Variants in NUDT13 observed in about 807,000 individuals in gnomAD.
The protein encoded by NUDT13 is NAD(P)H pyrophosphatase NUDT13, mitochondrial.
In NUDT13, 40 loss-of-function variants were observed where a neutral mutation model predicts 41.7. The ratio of observed to expected loss-of-function variants is 0.96; its 90% confidence interval spans 0.75 to 1.25. NUDT13 has a LOEUF of 1.25. Among genes scored for constraint, NUDT13 ranks in the 50% most tolerant of loss-of-function variants. The probability of loss-of-function intolerance (pLI) is 0.00; values close to 1 mark genes in which losing one functional copy is unlikely to be tolerated. For synonymous variants in NUDT13, 145 were observed against 155.5 expected (o/e 0.93, Z 0.50); for missense variants, 390 against 416.1 (o/e 0.94, Z 0.55).
chr10:73,113,539 A>G (rs942670695), intron 1 of NUDT13, among the ~76,000 whole-genome samples: 4 of 152,158 alleles, frequency 2.6e-5, no homozygotes, highest in African/African-American at 7.2e-5. Flanking sequence ...AGCTGGCTAT[A>G]TATTTGTTTT....
intron 2 of NUDT13, among the ~76,000 whole-genome samples, chr10:73,118,741 C>T (rs1477531861): frequency 1.3e-5 from 2 of 152,050 alleles, no homozygotes; most frequent in African/African-American, 4.8e-5. Flanking sequence ...TTTGGGAGGC[C>T]GAGGGCAGAT....
rs1387217874 is a variant in NUDT13, at chr10:73,112,623, CCT to C, written c.-9-1732_-9-1731del. ...ATCTAGCAAATTAATATATTCATCA[CCT>C]CACATTTTTTGTGTGTGTTGAGAAT... is the stretch of plus-strand genomic sequence containing the variant. On this transcript the variant is annotated intron_variant, in intron 1 of 8. Transcript: ENST00000357321. Among the ~76,000 whole-genome samples, 7 of 151,728 alleles carry C rather than the reference CCT, an allele frequency of 4.6e-5. No individual in the cohort carries two copies. The East Asian group carries it at 1.4e-3, about 29-fold the overall frequency.
In NUDT13 at chr10:73,122,217, G is replaced by A; in HGVS notation, c.266G>A (p.Arg89Lys). 2 of 1,614,080 alleles carry A rather than the reference G, an allele frequency of 1.2e-6. No homozygotes were observed. The highest frequency in any genetic ancestry group is 2.7e-5 in the African/African-American group (2 of 75,052). ...GGTAAATTTGGACAGGATGCACAAA[G>A]AATAGAAGATTCTGTGCTGATTGGA... ...LLGKFGQDAQ[R>K]IEDSVLIGCS... Residue 89 changes from arginine (R) to lysine (K), a missense_variant, in exon 4 of 9, where the codon AGA becomes AAA. Arg to Lys is a conservative substitution (Grantham distance 26). Transcript: ENST00000357321.
At chr10:73,122,832 T>C (rs1842679121) in intron 4 of NUDT13, among the ~76,000 whole-genome samples, 1 of 151,706 alleles carries the variant, frequency 6.6e-6, no homozygotes, top group Non-Finnish European at 1.5e-5. Context: ...TCCTCCCTCC[T>C]TGGCCTCCCA....
rs1188504747 is a variant in NUDT13, at chr10:73,131,401, G to A, written c.*498G>A. 2 of 162,466 alleles carry A rather than the reference G, an allele frequency of 1.2e-5. No individual in the cohort carries two copies. The highest frequency in any genetic ancestry group is 2.7e-5 in the Non-Finnish European group (2 of 72,968). The allele number at this position is 162,466 out of a possible 1,614,324, so 10.1% of individuals were successfully genotyped here. On this transcript the variant is annotated 3_prime_UTR_variant, in exon 9 of 9. Coordinates refer to ENST00000357321, the MANE Select transcript of NUDT13 (RefSeq NM_015901.6). ...CACAGTATGACATTTTAAAATTCAT[G>A]TACAGGTGCATTCTAGTTACATGAA...
chr10:73,114,467 G>A lies in NUDT13; in HGVS notation c.83+19G>A. The A allele has an allele frequency of 3.5e-6, 5 of 1,413,526 alleles. No homozygotes were observed. Among genetic ancestry groups the A allele is most frequent in the Non-Finnish European group, 3.9e-6 (4 of 1,022,402 alleles). The allele number at this position is 1,413,526 out of a possible 1,614,324, so 87.6% of individuals were successfully genotyped here. A position where few individuals can be genotyped will look rare whatever the true frequency, so the allele number is the denominator to read the frequency against. Reference sequence around the variant, plus strand: ...AGACACGGTGAGTTTTAGCCAACCTGAGCTTTGATTATTCTGTTTGGCCCA... The same window carrying A: ...AGACACGGTGAGTTTTAGCCAACCTAAGCTTTGATTATTCTGTTTGGCCCA... On this transcript the variant is annotated intron_variant, in intron 2 of 8. Transcript: ENST00000357321.
chr10:73,123,984 C>T (rs1842711185), intron 4 of NUDT13, among the ~76,000 whole-genome samples: 2 of 151,988 alleles, frequency 1.3e-5, no homozygotes, highest in South Asian at 4.2e-4. Flanking sequence ...AGTGGCTATT[C>T]ACAGGTAAGA....
At chr10:73,121,484 T>C (rs1429764856) in intron 3 of NUDT13, among the ~76,000 whole-genome samples, 1 of 152,156 alleles carries the variant, frequency 6.6e-6, no homozygotes, top group East Asian at 1.9e-4. Flanking sequence ...TATGAACAAA[T>C]AAATATGAGT....
Position 73,124,260 on chromosome 10 carries a change from C to T in NUDT13, c.405C>T (p.Phe135=), listed in dbSNP as rs185190396. The part of the protein sequence containing the change: ...PEMETELKGS[F]IELRKALFQL... ...TGGAGACAGAGCTCAAGGGGTCTTTCATTGAGCTGAGAAAGGCACTCTTTC... is the reference window on the plus strand; with the variant it reads ...TGGAGACAGAGCTCAAGGGGTCTTTTATTGAGCTGAGAAAGGCACTCTTTC... Residue 135 remains phenylalanine, a synonymous_variant, in exon 5 of 9, where the codon TTC becomes TTT. Transcript: ENST00000357321. 30 of 1,613,482 alleles carry T rather than the reference C, an allele frequency of 1.9e-5. No individual in the cohort carries two copies. The Admixed American group carries it at 2.7e-4, about 14-fold the overall frequency.
intron 4 of NUDT13, among the ~76,000 whole-genome samples, chr10:73,123,330 A>T (rs78800989): frequency 0.027 from 4,107 of 152,294 alleles, 88 homozygotes; most frequent in Non-Finnish European, 0.038. Flanking sequence ...GCCATTGGGA[A>T]CCACTTTGCT....
chr10:73,125,198 C>T lies in NUDT13; in HGVS notation c.546C>T (p.Gly182=). 1.2e-6 allele frequency: 2 copies of T among 1,613,570 alleles called. No homozygotes were observed. Among genetic ancestry groups the T allele is most frequent in the Non-Finnish European group, 1.7e-6 (2 of 1,179,880 alleles). ...SGQPTKKNVA[G]SKRVCPSNNI... ...AGCCCACCAAGAAGAACGTGGCTGGCAGCAAGCGTGTGTGCCCTTCCAATA... is the reference window on the plus strand; with the variant it reads ...AGCCCACCAAGAAGAACGTGGCTGGTAGCAAGCGTGTGTGCCCTTCCAATA... The change falls in exon 6 of 9, where the codon GGC becomes GGT. Residue 182 remains glycine, a synonymous_variant. Coordinates refer to ENST00000357321, the MANE Select transcript of NUDT13 (RefSeq NM_015901.6).
At chr10:73,129,852 T>A (rs935235391) in intron 8 of NUDT13, among the ~76,000 whole-genome samples, 5 of 151,190 alleles carry the variant, frequency 3.3e-5, no homozygotes, top group African/African-American at 1.2e-4. Context: ...TGGTGGCGGG[T>A]GCCTGTAATC....
intron 2 of NUDT13, among the ~76,000 whole-genome samples, chr10:73,114,736 T>C (rs1842463811): frequency 6.6e-6 from 1 of 151,998 alleles, no homozygotes. Context: ...AAATCTCTTT[T>C]ACCTTCTCCT....
At chr10:73,124,574 C>G in intron 5 of NUDT13, 2 of 425,518 alleles carry the variant, frequency 4.7e-6, no homozygotes, top group South Asian at 9.1e-5. Flanking sequence ...TAGGATCTGT[C>G]AGCCTCATAA....
intron 1 of NUDT13, among the ~76,000 whole-genome samples, chr10:73,112,130 C>T (rs560441318): frequency 2.6e-5 from 4 of 152,262 alleles, no homozygotes; most frequent in Non-Finnish European, 5.9e-5. Flanking sequence ...GCAGGCAGAT[C>T]ACCTGAGAAC....
At chr10:73,127,262 C>T (rs1021084970) in intron 8 of NUDT13, among the ~76,000 whole-genome samples, 3 of 152,034 alleles carry the variant, frequency 2.0e-5, no homozygotes, top group Admixed American at 6.6e-5. Context: ...GCCTGTAGTC[C>T]CAGCTATTTG....
chr10:73,112,132 C>T (rs1218138593), intron 1 of NUDT13, among the ~76,000 whole-genome samples: 3 of 152,154 alleles, frequency 2.0e-5, no homozygotes, highest in Non-Finnish European at 1.5e-5. Context: ...AGGCAGATCA[C>T]CTGAGAACAG....
chr10:73,110,983 G>A (rs1413852821), intron 1 of NUDT13, among the ~76,000 whole-genome samples: 5 of 151,986 alleles, frequency 3.3e-5, no homozygotes, highest in Admixed American at 3.3e-4. Flanking sequence ...GTGGAGAAAC[G>A]GACTCTAAAC....
chr10:73,111,842 T>C (rs1842373018), intron 1 of NUDT13, among the ~76,000 whole-genome samples: 1 of 152,224 alleles, frequency 6.6e-6, no homozygotes, highest in Admixed American at 6.5e-5. Flanking sequence ...GGCATGGAGG[T>C]AGCCTCATTA....
Sources: allele counts gnomAD v4.1 joint callset (sites outside exome capture counted in the v4.1 genomes callset), GRCh38; gene constraint gnomAD v4.1.1; transcripts MANE v1.5; gene names NCBI Gene and HGNC (gene_info 2026-07-23, HGNC 2026-07-21).